The following WDR27 variants were observed in gnomAD, a reference collection of about 807,000 sequenced individuals.
WDR27 encodes the protein WD repeat-containing protein 27.
A neutral mutation model predicts 114.4 loss-of-function variants in WDR27; 100 were observed. The observed-to-expected ratio is 0.87, with a 90% CI of 0.74 to 1.03. WDR27 has a LOEUF of 1.03. Ranked by LOEUF, WDR27 falls within the 50% of genes least tolerant of loss-of-function variation. The pLI is 0.00. For synonymous variants in WDR27, 449 were observed against 423.1 expected (o/e 1.06, Z -0.75); for missense variants, 1,129 against 1,092.9 (o/e 1.03, Z -0.47).
At chr6:169,646,995 G>A (rs1820918151) in intron 16 of WDR27, among the ~76,000 whole-genome samples, 1 of 152,188 alleles carries the variant, frequency 6.6e-6, no homozygotes, top group Admixed American at 6.5e-5. Context: ...CTGGACAGAT[G>A]GCATGAGGGT....
At chr6:169,593,349 G>A (rs535586938) in intron 23 of WDR27, among the ~76,000 whole-genome samples, 2 of 152,274 alleles carry the variant, frequency 1.3e-5, no homozygotes, top group South Asian at 4.1e-4. Flanking sequence ...GGGCCAGTTT[G>A]ATAAACTAAA....
At chr6:169,568,907 C>T (rs975772916) in intron 25 of WDR27, among the ~76,000 whole-genome samples, 16 of 152,120 alleles carry the variant, frequency 1.1e-4, no homozygotes, top group African/African-American at 3.4e-4. Context: ...GATGTGGTAC[C>T]GTGTCTCAGT....
intron 13 of WDR27, 67 bp downstream of exon 13, chr6:169,658,209 G>T: frequency 7.9e-7 from 1 of 1,271,844 alleles, no homozygotes; most frequent in Non-Finnish European, 1.1e-6. Flanking sequence ...AAGCAATGCA[G>T]CAGCCCTAAC....
chr6:169,660,996 G>A (rs1825939585), intron 9 of WDR27, among the ~76,000 whole-genome samples: 1 of 150,844 alleles, frequency 6.6e-6, no homozygotes, highest in Admixed American at 6.6e-5. Context: ...CCGCAGGAGT[G>A]GGGAGCGTGG....
chr6:169,629,996 T>A (rs1365921251), intron 21 of WDR27, among the ~76,000 whole-genome samples: 1 of 151,584 alleles, frequency 6.6e-6, no homozygotes, highest in Admixed American at 6.6e-5. Flanking sequence ...GATTCATTTA[T>A]CTTCACGACT....
At chr6:169,525,999 A>C (rs969263858) in intron 25 of WDR27, among the ~76,000 whole-genome samples, 52 of 152,298 alleles carry the variant, frequency 3.4e-4, no homozygotes, top group African/African-American at 1.2e-3. Context: ...AATATTGCAC[A>C]TTCCCCCTCA....
intron 7 of WDR27, chr6:169,664,798 T>A (rs1397957004): frequency 1.0e-6 from 1 of 995,046 alleles, no homozygotes; most frequent in Non-Finnish European, 1.2e-6. Context: ...AAGGCCAACA[T>A]CTTCAGGTTT....
intron 1 of WDR27, among the ~76,000 whole-genome samples, chr6:169,698,464 C>T (rs758053285): frequency 1.3e-5 from 2 of 152,208 alleles, no homozygotes; most frequent in Non-Finnish European, 2.9e-5. Context: ...TCCAGGGCAG[C>T]TAACTGAAGT....
chr6:169,453,002 C>T (rs1413952578), downstream of WDR27, among the ~76,000 whole-genome samples: 2 of 152,224 alleles, frequency 1.3e-5, no homozygotes, highest in African/African-American at 4.8e-5. Flanking sequence ...CCTGGTCTCC[C>T]AGGCACAAGG....
intron 2 of WDR27, among the ~76,000 whole-genome samples, chr6:169,680,840 G>A (rs374103312): frequency 1.3e-5 from 2 of 152,210 alleles, no homozygotes; most frequent in South Asian, 4.1e-4. Flanking sequence ...TATAATAAAT[G>A]AAGTCAGTTC....
chr6:169,585,927 T>C (rs1190638938), intron 23 of WDR27, among the ~76,000 whole-genome samples: 5 of 152,338 alleles, frequency 3.3e-5, no homozygotes. Context: ...TTCATTTCTC[T>C]AAACATTTTT....
chr6:169,652,007 A>C lies in WDR27; in HGVS notation c.1404T>G (p.Ala468=). The C allele has an allele frequency of 6.2e-7, 1 of 1,613,396 alleles. No individual in the cohort carries two copies. The highest frequency in any genetic ancestry group is 8.5e-7 in the Non-Finnish European group (1 of 1,179,752). ...STKAASEQRR[A]ARNVMKDQRL... Reference sequence around the variant, plus strand: ...GTTGGTCCTTCATGACGTTCCGTGCAGCTGTGGAAAGGCAATTTTAAAGAA... The same window carrying C: ...GTTGGTCCTTCATGACGTTCCGTGCCGCTGTGGAAAGGCAATTTTAAAGAA... Residue 468 remains alanine, a splice_region_variant and synonymous_variant, in exon 14 of 26, where the codon GCT becomes GCG. Transcript: ENST00000448612.
intron 23 of WDR27, among the ~76,000 whole-genome samples, chr6:169,597,630 G>A (rs1419664797): frequency 2.0e-5 from 3 of 152,044 alleles, no homozygotes; most frequent in Non-Finnish European, 2.9e-5. Context: ...AATATTCATA[G>A]CCTCAGCCCT....
chr6:169,677,766 C>G (rs1231684069), intron 2 of WDR27, among the ~76,000 whole-genome samples: 1 of 152,248 alleles, frequency 6.6e-6, no homozygotes. Flanking sequence ...GCCTGCTGCC[C>G]CACACAGCCT....
chr6:169,674,691 A>T (rs541259454), intron 2 of WDR27, among the ~76,000 whole-genome samples: 1 of 152,162 alleles, frequency 6.6e-6, no homozygotes, highest in Non-Finnish European at 1.5e-5. Flanking sequence ...TTTTGATGAA[A>T]ACCATAAACC....
intron 25 of WDR27, among the ~76,000 whole-genome samples, chr6:169,492,399 T>C (rs1023978451): frequency 3.9e-5 from 6 of 152,024 alleles, no homozygotes; most frequent in Admixed American, 2.6e-4. Context: ...CAAAAATGTG[T>C]CTCATCAAAT....
intron 23 of WDR27, among the ~76,000 whole-genome samples, chr6:169,590,981 A>G (rs1206500488): frequency 6.6e-6 from 1 of 152,172 alleles, no homozygotes; most frequent in African/African-American, 2.4e-5. Context: ...TACGGATTTC[A>G]ATTCTTTTGG....
In WDR27 at chr6:169,659,259, A is replaced by G. The variant is rs1311139030; in HGVS notation, c.1198-52T>C. On this transcript the variant is annotated intron_variant, in intron 11 of 25. Coordinates refer to ENST00000448612, the MANE Select transcript of WDR27 (RefSeq NM_182552.5). The surrounding 1 kb of genome is among the most constrained non-coding windows in gnomAD (Gnocchi z 4.3). ...TAGCGACACCACCCAGTAAAAGCAG[A>G]CGAAACGTGCATCCGCACACGTATC... is the stretch of plus-strand genomic sequence containing the variant. 4.5e-6 allele frequency: 7 copies of G among 1,559,908 alleles called. No homozygotes were observed. The highest frequency in any genetic ancestry group is 5.2e-6 in the Non-Finnish European group (6 of 1,151,086).
the WDR27 span, among the ~76,000 whole-genome samples, chr6:169,445,062 C>T: frequency 6.6e-6 from 1 of 152,128 alleles, no homozygotes; most frequent in Admixed American, 6.5e-5. Context: ...TCCTTATCAA[C>T]TTCAAATACA....
Sources: allele counts gnomAD v4.1 joint callset (sites outside exome capture counted in the v4.1 genomes callset), GRCh38; gene constraint gnomAD v4.1.1; non-coding constraint Gnocchi (gnomAD v3.1); transcripts MANE v1.5; gene names NCBI Gene and HGNC (gene_info 2026-07-23, HGNC 2026-07-21).